The following CD72 variants were observed in gnomAD, a reference collection of about 807,000 sequenced individuals.
The protein encoded by CD72 is CD72 molecule.
CD72 carries 28 observed loss-of-function variants against 50.7 expected under a neutral mutation model. The observed-to-expected ratio is 0.55, with a 90% CI of 0.41 to 0.76. CD72 has a LOEUF of 0.76. Ranked by LOEUF, CD72 falls within the 30% of genes least tolerant of loss-of-function variation. The probability of loss-of-function intolerance (pLI) is 0.00; values close to 1 mark genes in which losing one functional copy is unlikely to be tolerated. For missense variants in CD72, 403 were observed against 420.6 expected, an observed-to-expected ratio of 0.96 and a Z score of 0.37; for synonymous variants, 176 against 171.2, an observed-to-expected ratio of 1.03 and a Z score of -0.22.
At chr9:35,610,839 T>C (rs1055667476) in intron 7 of CD72, 86 bp from the exon 8 acceptor site, 1 of 1,135,914 alleles carries the variant, frequency 8.8e-7, no homozygotes, top group Admixed American at 1.8e-5. Context: ...AAAACCTAAA[T>C]CCTAACTCAC....
intron 8 of CD72, 47 bp downstream of exon 8, chr9:35,610,555 C>G: frequency 6.8e-7 from 1 of 1,465,140 alleles, no homozygotes; most frequent in Non-Finnish European, 9.3e-7. Flanking sequence ...CTCTGAGTCC[C>G]TCTGCCCCTG....
chr9:35,639,024 C>A (rs1823316045), intron 1 of CD72, among the ~76,000 whole-genome samples: 1 of 140,990 alleles, frequency 7.1e-6, no homozygotes, highest in Non-Finnish European at 1.6e-5. Context: ...CCGCCTTATT[C>A]TTTTTTTTTT....
intron 2 of CD72, 85 bp from the exon 3 acceptor site, chr9:35,617,332 T>A: frequency 6.9e-7 from 1 of 1,440,002 alleles, no homozygotes; most frequent in Non-Finnish European, 9.3e-7. Flanking sequence ...CCCTCGCCAC[T>A]GGGAAACTCC....
At chr9:35,617,029 T>C in intron 3 of CD72, 147 bp downstream of exon 3, 4 of 1,465,134 alleles carry the variant, frequency 2.7e-6, no homozygotes, top group Non-Finnish European at 3.6e-6. Context: ...CGGATGAAGG[T>C]GAATGTGGCA....
chr9:35,613,492 A>G (rs1376245790), intron 5 of CD72, among the ~76,000 whole-genome samples: 1 of 152,082 alleles, frequency 6.6e-6, no homozygotes, highest in Non-Finnish European at 1.5e-5. Flanking sequence ...CTGACTATCC[A>G]TAAGAAATAA....
intron 5 of CD72, among the ~76,000 whole-genome samples, chr9:35,614,157 T>C (rs1823034868): frequency 6.6e-6 from 1 of 152,184 alleles, no homozygotes; most frequent in African/African-American, 2.4e-5. Flanking sequence ...AAAGTCAGTG[T>C]AGGGTTTTAC....
In CD72 at chr9:35,629,607, G is replaced by A. The variant is rs559805501; in HGVS notation, n.409-11486C>T. The stretch of plus-strand genomic sequence containing the variant: ...GTCTTTGCTTCTGCTGCTGGAGCTC[G>A]GATTCTGCAGGCCAGGCAGCCAGGA... On this transcript the variant is annotated intron_variant and non_coding_transcript_variant, in intron 1 of 3. Coordinates refer to the CD72 transcript ENST00000465754. Among the ~76,000 whole-genome samples, 24 of 152,288 alleles carry A rather than the reference G, an allele frequency of 1.6e-4. No individual in the cohort carries two copies. The South Asian group carries it at 3.1e-3, about 20-fold the overall frequency.
rs1823079236 is a variant in CD72 at position 35,617,198 on chromosome 9, T to C, written c.240A>G (p.Pro80=). ...PTASWRAVTS[P]AVGRILPCRT... ...CACAGGGGAGAATCCGCCCGACAGCTGGTGACGTCACGGCTCTCCAGGACG... is the reference window on the plus strand; with the variant it reads ...CACAGGGGAGAATCCGCCCGACAGCCGGTGACGTCACGGCTCTCCAGGACG... The change falls in exon 3 of 9, where the codon CCA becomes CCG. Residue 80 remains proline (P), a synonymous_variant. Transcript: ENST00000259633. 7 of 1,568,854 alleles carry C rather than the reference T, an allele frequency of 4.5e-6. No homozygotes were observed. Among genetic ancestry groups the C allele is most frequent in the Non-Finnish European group, 5.2e-6 (6 of 1,156,426 alleles).
chr9:35,624,373 A>C (rs979114303), upstream of CD72, among the ~76,000 whole-genome samples: 1 of 152,202 alleles, frequency 6.6e-6, no homozygotes. Context: ...TCAAATGCCA[A>C]TTTTCAGGAA....
chr9:35,616,644 G>T lies in CD72; in HGVS notation c.308C>A (p.Thr103Asn), dbSNP rs1032515389. The T allele has an allele frequency of 3.7e-6, 6 of 1,614,068 alleles. No homozygotes were observed. Among genetic ancestry groups the T allele is most frequent in the Non-Finnish European group, 5.1e-6 (6 of 1,180,026 alleles). The change falls in exon 4 of 9, where the codon ACC becomes AAC. Residue 103 changes from threonine to asparagine, a missense_variant. Transcript: ENST00000259633. ...LRYLLLGLLLTCLLLGVTAIC... is the reference protein window; with the variant it reads ...LRYLLLGLLLNCLLLGVTAIC... ...GGCGGTCACTCCTAACAGCAGGCAG[G>T]TGAGGAGCAGGCCGAGCAGGAGGTA...
chr9:35,616,786 T>C (rs1823071383), intron 3 of CD72, 97 bp from the exon 4 acceptor site: 2 of 1,138,920 alleles, frequency 1.8e-6, no homozygotes, highest in African/African-American at 1.5e-5. Flanking sequence ...GGGGAAGGCA[T>C]CCCTAAGAGG....
At chr9:35,624,649 A>G (rs972150928) in intron 1 of CD72, among the ~76,000 whole-genome samples, 4 of 152,084 alleles carry the variant, frequency 2.6e-5, no homozygotes, top group African/African-American at 9.7e-5. Flanking sequence ...CACTTCACTT[A>G]TTACGCTTCA....
chr9:35,613,223 T>C (rs182774756), intron 5 of CD72, among the ~76,000 whole-genome samples: 17 of 152,288 alleles, frequency 1.1e-4, no homozygotes, highest in Admixed American at 1.1e-3. Flanking sequence ...AGGTCTGTCT[T>C]AATAGGGCTG....
chr9:35,629,826 T>C (rs1823227107), intron 1 of CD72, among the ~76,000 whole-genome samples: 1 of 152,214 alleles, frequency 6.6e-6, no homozygotes, highest in Admixed American at 6.5e-5. Flanking sequence ...TCCCAGCACA[T>C]GGTAGCACTC....
At chr9:35,646,645 C>T (rs1205745039) in exon 1 of CD72, 1 of 152,280 alleles carries the variant, frequency 6.6e-6, no homozygotes, top group African/African-American at 2.4e-5. Flanking sequence ...AAGTTCAAAT[C>T]ATACCCCGCT....
At chr9:35,636,570 C>T (rs770132514) in intron 1 of CD72, among the ~76,000 whole-genome samples, 13 of 152,336 alleles carry the variant, frequency 8.5e-5, no homozygotes, top group Non-Finnish European at 1.3e-4. Flanking sequence ...TTAAACCCAT[C>T]TTTGAGAGAC....
upstream of CD72, among the ~76,000 whole-genome samples, chr9:35,624,011 C>T (rs117669274): frequency 0.039 from 5,859 of 151,276 alleles, 119 homozygotes; most frequent in Non-Finnish European, 0.046. Flanking sequence ...CGGTGGATCA[C>T]GACCAGCCTG....
chr9:35,612,796 G>A lies in CD72; in HGVS notation c.834+52C>T, dbSNP rs372478749. Reference sequence around the variant, plus strand: ...TGCCATTCCTGACTTGATGACATATGTCCCTTTACCTAATAGTACCCACTG... The same window carrying A: ...TGCCATTCCTGACTTGATGACATATATCCCTTTACCTAATAGTACCCACTG... On this transcript the variant is annotated intron_variant, in intron 6 of 8. Transcript: ENST00000259633. 1.8e-4 allele frequency: 288 copies of A among 1,557,642 alleles called. 1 individual carries two copies. The African/African-American group carries it at 3.4e-3, about 18-fold the overall frequency.
chr9:35,620,801 G>A (rs1587904774), upstream of CD72, among the ~76,000 whole-genome samples: 3 of 152,206 alleles, frequency 2.0e-5, 1 homozygote, highest in Middle Eastern at 0.01. Flanking sequence ...GCCACAGAGT[G>A]AGACTCTGTC....
Sources: gnomAD v4.1 joint callset for allele counts (sites outside exome capture counted in the v4.1 genomes callset) on GRCh38, gnomAD v4.1.1 for gene constraint, MANE v1.5 for transcripts, NCBI Gene and HGNC (gene_info 2026-07-23, HGNC 2026-07-21) for gene names.